Variants in KCNH7 observed in about 807,000 individuals in gnomAD.
KCNH7 encodes voltage-gated inwardly rectifying potassium channel KCNH7.
Under a neutral mutation model 120.8 loss-of-function variants are expected in KCNH7, and 49 were observed. The observed-to-expected ratio is 0.41, with a 90% CI of 0.32 to 0.51. The LOEUF (loss-of-function observed/expected upper bound fraction) is 0.51, where lower values mean the gene tolerates loss of function less well. Ranked by LOEUF, KCNH7 falls within the 20% of genes least tolerant of loss-of-function variation. The pLI is 0.38. For synonymous variants in KCNH7, 547 were observed against 516.1 expected (o/e 1.06, Z -0.81); for missense variants, 1,097 against 1,446.6 (o/e 0.76, Z 3.92).
chr2:162,571,505 A>C (rs1693474648), intron 2 of KCNH7, among the ~76,000 whole-genome samples: 1 of 145,158 alleles, frequency 6.9e-6, no homozygotes, highest in Non-Finnish European at 1.5e-5. Context: ...CATCCCCATC[A>C]AGCTACCAAT....
At chr2:162,765,856 C>G (rs1682782171) in intron 2 of KCNH7, among the ~76,000 whole-genome samples, 1 of 152,210 alleles carries the variant, frequency 6.6e-6, no homozygotes, top group South Asian at 2.1e-4. Context: ...TGCTCTTGGG[C>G]TCAAATGATC....
intron 2 of KCNH7, among the ~76,000 whole-genome samples, chr2:162,577,429 G>A (rs146410655): frequency 8.3e-4 from 124 of 149,576 alleles, no homozygotes; most frequent in African/African-American, 2.8e-3. Context: ...ATAGGTAGGG[G>A]AAAAAATCAA....
At chr2:162,491,758 G>C (rs994891625) in intron 6 of KCNH7, among the ~76,000 whole-genome samples, 6 of 152,140 alleles carry the variant, frequency 3.9e-5, no homozygotes, top group Non-Finnish European at 8.8e-5. Context: ...CGTACCCCAG[G>C]TATTTGCTAG....
intron 9 of KCNH7, among the ~76,000 whole-genome samples, chr2:162,420,704 C>T (rs1050009137): frequency 7.2e-5 from 11 of 152,172 alleles, no homozygotes; most frequent in South Asian, 6.2e-4. Flanking sequence ...TTGAATATCT[C>T]GTACTTCATT....
At chr2:162,462,995 C>A (rs1689194180) in intron 6 of KCNH7, among the ~76,000 whole-genome samples, 2 of 152,016 alleles carry the variant, frequency 1.3e-5, no homozygotes, top group South Asian at 4.1e-4. Context: ...GTAGCCTTAG[C>A]AAATGTGATA....
intron 2 of KCNH7, among the ~76,000 whole-genome samples, chr2:162,713,101 T>C (rs1018635744): frequency 2.0e-5 from 3 of 152,174 alleles, no homozygotes; most frequent in African/African-American, 7.2e-5. Context: ...ATTTTTGCAT[T>C]TTTAGTAGAG....
In KCNH7 at chr2:162,588,526, A is replaced by G. The variant is rs528843968; in HGVS notation, c.308-51446T>C. Among the ~76,000 whole-genome samples, 15 of 152,166 alleles carry G rather than the reference A, an allele frequency of 9.9e-5. 2 individuals are homozygous for G. The highest frequency in any genetic ancestry group is 3.1e-4 in the African/African-American group (13 of 41,522). On this transcript the variant is annotated intron_variant, in intron 2 of 15. Transcript: ENST00000332142. ...ATTTATGAACCTCTTGTTGAAATCA[A>G]ATTTGTCCCTCTTAATTCAGTCTTT...
chr2:162,740,869 ATCT>A (rs1688101691), intron 2 of KCNH7, among the ~76,000 whole-genome samples: 1 of 151,996 alleles, frequency 6.6e-6, no homozygotes, highest in African/African-American at 2.4e-5. Context: ...AATGCTATGG[ATCT>A]TATGGTCAGT....
intron 2 of KCNH7, among the ~76,000 whole-genome samples, chr2:162,817,077 A>G (rs1278912100): frequency 6.6e-6 from 1 of 152,146 alleles, no homozygotes; most frequent in Non-Finnish European, 1.5e-5. Flanking sequence ...GATCTTATGG[A>G]GTGAAAGTTC....
At chr2:162,530,648 T>C (rs1405854878) in intron 3 of KCNH7, among the ~76,000 whole-genome samples, 1 of 152,036 alleles carries the variant, frequency 6.6e-6, no homozygotes, top group Non-Finnish European at 1.5e-5. Flanking sequence ...ACAATGTAGG[T>C]TTTGAAGCAA....
In KCNH7 at chr2:162,748,915, CCTTCCCTTTCCTTT is replaced by C. The variant is rs1330919126; in HGVS notation, c.307+87608_307+87621del. Among the ~76,000 whole-genome samples, 114 of 61,216 alleles carry C rather than the reference CCTTCCCTTTCCTTT, an allele frequency of 1.9e-3. 8 individuals are homozygous for C. In the African/African-American group the frequency reaches 0.023, roughly 12 times the overall value. 40.2% of individuals were successfully genotyped at this position (61,216 alleles called of 152,430 possible). Reference sequence around the variant, plus strand: ...CCTTCTTTCCTTCCTTCCTTCCTTCCCTTCCCTTTCCTTTCCTTCCTTCCTTCCTTCCTTCCTTC... The same window carrying C: ...CCTTCTTTCCTTCCTTCCTTCCTTCCCCTTCCTTCCTTCCTTCCTTCCTTC... On this transcript the variant is annotated intron_variant, in intron 2 of 15. Transcript: ENST00000332142.
intron 2 of KCNH7, among the ~76,000 whole-genome samples, chr2:162,612,823 A>G (rs1683013980): frequency 6.6e-6 from 1 of 152,046 alleles, no homozygotes; most frequent in African/African-American, 2.4e-5. Context: ...AAATAAAAAT[A>G]ATAATTAAAA....
chr2:162,694,382 T>A (rs1686216199), intron 2 of KCNH7, among the ~76,000 whole-genome samples: 1 of 152,180 alleles, frequency 6.6e-6, no homozygotes. Context: ...TAAATAGTTC[T>A]ATTTTACTCT....
chr2:162,775,132 T>C (rs1274160214), intron 2 of KCNH7, among the ~76,000 whole-genome samples: 1 of 152,184 alleles, frequency 6.6e-6, no homozygotes, highest in Non-Finnish European at 1.5e-5. Context: ...AGAAATACAC[T>C]ACTCTCCTAC....
At chr2:162,649,038 A>G (rs765698698) in intron 2 of KCNH7, among the ~76,000 whole-genome samples, 44 of 152,210 alleles carry the variant, frequency 2.9e-4, no homozygotes, top group Non-Finnish European at 5.6e-4. Flanking sequence ...AATTAAACAT[A>G]CATCAGTATT....
At chr2:162,784,123 C>A (rs1290642953) in intron 2 of KCNH7, among the ~76,000 whole-genome samples, 2 of 151,910 alleles carry the variant, frequency 1.3e-5, no homozygotes, top group Non-Finnish European at 2.9e-5. Flanking sequence ...TTGTAAAATA[C>A]AGACTGCCTG....
chr2:162,529,362 C>T (rs537342377), intron 3 of KCNH7, among the ~76,000 whole-genome samples: 28 of 151,902 alleles, frequency 1.8e-4, no homozygotes, highest in Non-Finnish European at 3.2e-4. Context: ...CAAGGGAATG[C>T]GGTGACATGG....
intron 9 of KCNH7, among the ~76,000 whole-genome samples, chr2:162,401,953 C>CA (rs1267237977): frequency 6.6e-6 from 1 of 151,960 alleles, no homozygotes; most frequent in Admixed American, 6.6e-5. Context: ...TTGTTAGACA[C>CA]AGCTCATCCA....
chr2:162,822,610 T>A (rs2105596293), intron 2 of KCNH7, among the ~76,000 whole-genome samples: 1 of 152,298 alleles, frequency 6.6e-6, no homozygotes, highest in East Asian at 1.9e-4. Context: ...AACTAATAGA[T>A]CAAACGGAAA....
Sources: allele counts gnomAD v4.1 joint callset (sites outside exome capture counted in the v4.1 genomes callset), GRCh38; gene constraint gnomAD v4.1.1; transcripts MANE v1.5; gene names NCBI Gene and HGNC (gene_info 2026-07-23, HGNC 2026-07-21).